Variants in MYT1L observed in about 807,000 individuals in gnomAD.
MYT1L encodes the protein myelin transcription factor 1 like, also known as myelin transcription factor 1-like protein.
A neutral mutation model predicts 126.7 loss-of-function variants in MYT1L; 12 were observed. That is an observed-to-expected ratio of 0.09 (90% CI 0.06 to 0.15). MYT1L has a LOEUF of 0.15. Ranked by LOEUF, MYT1L falls within the 10% of genes least tolerant of loss-of-function variation. The probability of loss-of-function intolerance (pLI) is 1.00; values close to 1 mark genes in which losing one functional copy is unlikely to be tolerated. For synonymous variants in MYT1L, 541 were observed against 604.2 expected (o/e 0.90, Z 1.53); for missense variants, 979 against 1,585.2 (o/e 0.62, Z 6.49).
intron 4 of MYT1L, among the ~76,000 whole-genome samples, chr2:2,005,245 G>GCGTTCTTTCCTGCAT (rs2063108429): frequency 1.6e-5 from 2 of 127,898 alleles, no homozygotes; most frequent in African/African-American, 3.1e-5. Flanking sequence ...CTCTCCTGCA[G>GCGTTCTTTCCTGCAT]GCGTTCTTTC....
intron 3 of MYT1L, among the ~76,000 whole-genome samples, chr2:2,164,737 T>C (rs1361712835): frequency 6.6e-6 from 1 of 152,224 alleles, no homozygotes; most frequent in Non-Finnish European, 1.5e-5. Context: ...ACACGTGCTG[T>C]CAACAGACGA....
intron 11 of MYT1L, among the ~76,000 whole-genome samples, chr2:1,913,279 T>A (rs1236609478): frequency 1.3e-5 from 2 of 152,190 alleles, no homozygotes; most frequent in African/African-American, 4.8e-5. Flanking sequence ...ATTAGCTTTA[T>A]CGCTCCCACA....
chr2:1,810,430 G>A lies in MYT1L; in HGVS notation c.3081-1263C>T, dbSNP rs1053194372. On this transcript the variant is annotated intron_variant, in intron 21 of 24. Transcript: ENST00000647738. ...GCTAGGATTACAGGCATGAGCCACC[G>A]CACCCCGCCTATAATGTTTTATATA... Among the ~76,000 whole-genome samples, 16 of 152,126 alleles carry A rather than the reference G, an allele frequency of 1.1e-4. No individual in the cohort carries two copies. The East Asian group carries it at 1.5e-3, about 15-fold the overall frequency.
At chr2:2,304,211 G>A (rs150135764) in intron 1 of MYT1L, among the ~76,000 whole-genome samples, 7 of 152,294 alleles carry the variant, frequency 4.6e-5, no homozygotes, top group Admixed American at 2.6e-4. Context: ...ATGGTGGAAC[G>A]TAACACACTG....
intron 3 of MYT1L, among the ~76,000 whole-genome samples, chr2:2,129,801 G>A (rs1272585550): frequency 6.6e-6 from 1 of 151,844 alleles, no homozygotes; most frequent in East Asian, 1.9e-4. Flanking sequence ...AGCTACTCGG[G>A]AGGCTGAGGC....
At chr2:2,190,555 T>TAAAAAAAAA (rs777939174) in intron 2 of MYT1L, among the ~76,000 whole-genome samples, 8 of 108,426 alleles carry the variant, frequency 7.4e-5, no homozygotes, top group Non-Finnish European at 1.1e-4. Context: ...CAAGACCTGT[T>TAAAAAAAAA]AAAAAAAAAA....
rs2032286748 is a variant in MYT1L, at chr2:1,792,421, T to C, written c.3320A>G (p.Asn1107Ser). The C allele has an allele frequency of 3.1e-6, 5 of 1,613,712 alleles. No homozygotes were observed. Among genetic ancestry groups the C allele is most frequent in the Non-Finnish European group, 8.5e-7 (1 of 1,179,836 alleles). The change falls in exon 24 of 25, where the codon AAC (asparagine) becomes AGC (serine). Residue 1107 changes from asparagine (N) to serine (S), a missense_variant. By Grantham distance (46) the Asn-to-Ser change is conservative (BLOSUM62 1). This residue lies in a region of MYT1L where 179 missense variants were observed against 398.6 expected (regional missense o/e 0.45). Transcript: ENST00000647738. ...CTCGTTCTGCTGCTCAATCACTTTGTTCTCCTCTTCGATGGTCTTCAGGTT... is the reference window on the plus strand; with the variant it reads ...CTCGTTCTGCTGCTCAATCACTTTGCTCTCCTCTTCGATGGTCTTCAGGTT... ...ESNLKTIEEE[N>S]KVIEQQNESL...
chr2:1,995,299 C>T (rs1018989101), intron 5 of MYT1L, among the ~76,000 whole-genome samples: 19 of 152,090 alleles, frequency 1.2e-4, no homozygotes, highest in Admixed American at 2.6e-4. Context: ...TGTGAGGGGA[C>T]GCTGCTATGT....
chr2:1,931,103 C>T (rs2054909079), intron 9 of MYT1L, among the ~76,000 whole-genome samples: 1 of 152,182 alleles, frequency 6.6e-6, no homozygotes, highest in African/African-American at 2.4e-5. Flanking sequence ...GCCTCGGGTC[C>T]TGCTGAGACA....
chr2:2,081,944 C>A (rs1209820012), intron 3 of MYT1L, among the ~76,000 whole-genome samples: 1 of 151,982 alleles, frequency 6.6e-6, no homozygotes, highest in Non-Finnish European at 1.5e-5. Flanking sequence ...GGTTTCACCA[C>A]GTTGGTCAGG....
At chr2:1,989,288 A>C (rs1348970896) in intron 5 of MYT1L, among the ~76,000 whole-genome samples, 1 of 152,208 alleles carries the variant, frequency 6.6e-6, no homozygotes, top group Non-Finnish European at 1.5e-5. Context: ...GCAAGGGAGC[A>C]GCTGAGAGTG....
chr2:2,218,063 C>T (rs2093745219), intron 2 of MYT1L, among the ~76,000 whole-genome samples: 1 of 152,172 alleles, frequency 6.6e-6, no homozygotes. Flanking sequence ...AAAGACCAAC[C>T]ACATAAAGTC....
intron 8 of MYT1L, among the ~76,000 whole-genome samples, chr2:1,972,443 A>G (rs114069220): frequency 2.0e-3 from 301 of 152,074 alleles, no homozygotes; most frequent in African/African-American, 6.8e-3. Flanking sequence ...AGATATAGGA[A>G]CTCCTATTTT....
chr2:1,851,602 A>G (rs2043270209), intron 19 of MYT1L, 39 bp downstream of exon 19: 1 of 1,591,670 alleles, frequency 6.3e-7, no homozygotes, highest in Non-Finnish European at 8.6e-7. Flanking sequence ...TTTCAGTGAG[A>G]AAGAGCATTT....
At chr2:2,321,007 T>TA (rs1201058025) in intron 1 of MYT1L, among the ~76,000 whole-genome samples, 2 of 152,160 alleles carry the variant, frequency 1.3e-5, no homozygotes, top group South Asian at 4.1e-4. Flanking sequence ...ACTTCCTAAT[T>TA]AAAAAATGCC....
At chr2:2,180,718 CTGTGTGCCTGCA>C (rs1417402474) in intron 2 of MYT1L, among the ~76,000 whole-genome samples, 1 of 149,352 alleles carries the variant, frequency 6.7e-6, no homozygotes, top group Non-Finnish European at 1.5e-5. Flanking sequence ...GTATCTGTAC[CTGTGTGCCTGCA>C]TGTGTGCCTG....
intron 18 of MYT1L, among the ~76,000 whole-genome samples, chr2:1,869,685 A>T (rs2046037595): frequency 6.6e-6 from 1 of 152,194 alleles, no homozygotes; most frequent in Non-Finnish European, 1.5e-5. Context: ...CAGACACAGT[A>T]TCAGGCACTT....
At position 2,151,252 on chromosome 2, in the gene MYT1L, T is replaced by G. The variant is rs1213128977; in HGVS notation, c.-304+21620A>C. 5.3e-5 allele frequency among the ~76,000 whole-genome samples: 8 copies of G among 152,212 alleles called. No homozygotes were observed. In the East Asian group the frequency reaches 1.4e-3, roughly 26 times the overall value. On this transcript the variant is annotated intron_variant, in intron 3 of 24. Coordinates refer to ENST00000647738, the MANE Select transcript of MYT1L (RefSeq NM_001303052.2). ...ATTTTTCTGTGGTGCTATAGAATACTGTGAGAAGAGACCATTGCTTTTATG... is the reference window on the plus strand; with the variant it reads ...ATTTTTCTGTGGTGCTATAGAATACGGTGAGAAGAGACCATTGCTTTTATG...
chr2:2,197,273 G>A (rs1227233133), intron 2 of MYT1L, among the ~76,000 whole-genome samples: 1 of 152,032 alleles, frequency 6.6e-6, no homozygotes, highest in Non-Finnish European at 1.5e-5. Context: ...CAATGTTTAA[G>A]GAACATCTAC....
Sources: gnomAD v4.1 joint callset for allele counts (sites outside exome capture counted in the v4.1 genomes callset) on GRCh38, gnomAD v4.1.1 for gene constraint, gnomAD v4.1.1 regional missense constraint, MANE v1.5 for transcripts, NCBI Gene and HGNC (gene_info 2026-07-23, HGNC 2026-07-21) for gene names.